SH3RF3: variants seen among roughly 807,000 people sequenced by gnomAD.
The protein encoded by SH3RF3 is E3 ubiquitin-protein ligase SH3RF3.
A neutral mutation model predicts 66.3 loss-of-function variants in SH3RF3; 29 were observed. The observed-to-expected ratio is 0.44, with a 90% CI of 0.33 to 0.60. SH3RF3 has a LOEUF of 0.60. Ranked by LOEUF, SH3RF3 falls within the 20% of genes least tolerant of loss-of-function variation. SH3RF3 has a pLI of 0.04. For synonymous variants in SH3RF3, 583 were observed against 532.0 expected, an observed-to-expected ratio of 1.10 and a Z score of -1.32; for missense variants, 1,194 against 1,190.9, an observed-to-expected ratio of 1.00 and a Z score of -0.04.
At chr2:109,151,406 T>G (rs1219210034) in intron 1 of SH3RF3, among the ~76,000 whole-genome samples, 1 of 152,158 alleles carries the variant, frequency 6.6e-6, no homozygotes, top group East Asian at 1.9e-4. Context: ...TGGTTCAAAT[T>G]CCTAATTTTA....
chr2:109,150,488 C>G (rs932442050), intron 1 of SH3RF3, among the ~76,000 whole-genome samples: 1 of 152,142 alleles, frequency 6.6e-6, no homozygotes, highest in Non-Finnish European at 1.5e-5. Context: ...TTTACAAAAA[C>G]GAGGAATTCA....
chr2:109,449,816 C>T (rs1490443185), intron 8 of SH3RF3, among the ~76,000 whole-genome samples: 1 of 152,210 alleles, frequency 6.6e-6, no homozygotes, highest in African/African-American at 2.4e-5. Context: ...TTTGTTAGAA[C>T]AGGATATTTA....
chr2:109,354,308 A>C (rs1432036520), intron 2 of SH3RF3, among the ~76,000 whole-genome samples: 1 of 152,164 alleles, frequency 6.6e-6, no homozygotes, highest in African/African-American at 2.4e-5. Context: ...CAGAGGCTGA[A>C]GGGGGCCCGG....
intron 1 of SH3RF3, among the ~76,000 whole-genome samples, chr2:109,319,942 C>T (rs573011350): frequency 6.6e-6 from 1 of 152,164 alleles, no homozygotes; most frequent in African/African-American, 2.4e-5. Flanking sequence ...GCAAGGTGAA[C>T]GAGCTGCTGT....
At chr2:109,343,624 A>C (rs13430554) in intron 1 of SH3RF3, among the ~76,000 whole-genome samples, 32,141 of 151,976 alleles carry the variant, frequency 0.21, 3,922 homozygotes, top group African/African-American at 0.35. Context: ...TGCTCTCAGT[A>C]CCAGACTCGA....
intron 4 of SH3RF3, among the ~76,000 whole-genome samples, chr2:109,415,748 G>A (rs1676707391): frequency 6.6e-6 from 1 of 152,066 alleles, no homozygotes; most frequent in Non-Finnish European, 1.5e-5. Context: ...ACTTCATCTG[G>A]CCTCCCACCT....
rs114434440 is a variant in SH3RF3 at position 109,407,609 on chromosome 2, C to T, written c.1299+8666C>T. Among the ~76,000 whole-genome samples, 733 of 152,334 alleles carry T rather than the reference C, an allele frequency of 4.8e-3. 4 individuals carry two copies. Among genetic ancestry groups the T allele is most frequent in the African/African-American group, 0.017 (702 of 41,580 alleles). On this transcript the variant is annotated intron_variant, in intron 4 of 9. Transcript: ENST00000309415. ...GCTGTGCAAACTCCGGCTCCAGCTC[C>T]AGCTCTCAACTGCAGAGTACAAGCT...
chr2:109,288,056 T>C (rs1681074754), intron 1 of SH3RF3, among the ~76,000 whole-genome samples: 1 of 152,248 alleles, frequency 6.6e-6, no homozygotes, highest in Non-Finnish European at 1.5e-5. Context: ...GCTGTCCCAT[T>C]GTCACATCAC....
At chr2:109,370,688 G>A (rs1489384942) in intron 2 of SH3RF3, among the ~76,000 whole-genome samples, 1 of 151,982 alleles carries the variant, frequency 6.6e-6, no homozygotes, top group African/African-American at 2.4e-5. Flanking sequence ...CTTGGTACCT[G>A]TGACAGTGTC....
At chr2:109,193,675 C>A (rs1414697242) in intron 1 of SH3RF3, among the ~76,000 whole-genome samples, 1 of 152,070 alleles carries the variant, frequency 6.6e-6, no homozygotes, top group Non-Finnish European at 1.5e-5. Context: ...TTGTTTCTAC[C>A]TCTACATTTA....
At chr2:109,500,458 GTC>G (rs1679360347) in intron 9 of SH3RF3, among the ~76,000 whole-genome samples, 1 of 152,158 alleles carries the variant, frequency 6.6e-6, no homozygotes, top group Non-Finnish European at 1.5e-5. Flanking sequence ...GAAGGCTCCT[GTC>G]TCTGATTCCA....
At chr2:109,227,930 T>C (rs1679409957) in intron 1 of SH3RF3, among the ~76,000 whole-genome samples, 1 of 152,228 alleles carries the variant, frequency 6.6e-6, no homozygotes, top group African/African-American at 2.4e-5. Flanking sequence ...TTCCTGATGT[T>C]TCCCAAACAA....
chr2:109,487,118 C>G (rs1679001561), intron 8 of SH3RF3, among the ~76,000 whole-genome samples: 1 of 152,200 alleles, frequency 6.6e-6, no homozygotes, highest in Admixed American at 6.5e-5. Context: ...CCACATCCCA[C>G]TGGGCTCCTG....
chr2:109,381,396 T>C (rs922130661), intron 3 of SH3RF3, among the ~76,000 whole-genome samples: 2 of 152,196 alleles, frequency 1.3e-5, no homozygotes, highest in Non-Finnish European at 2.9e-5. Flanking sequence ...CACCTAACTT[T>C]AGCTCCTCTC....
intron 1 of SH3RF3, among the ~76,000 whole-genome samples, chr2:109,173,836 C>T (rs1299927025): frequency 6.6e-6 from 1 of 152,212 alleles, no homozygotes; most frequent in Non-Finnish European, 1.5e-5. Flanking sequence ...CTGCCGTCGT[C>T]CTTGGAATTG....
In SH3RF3 at chr2:109,277,588, A is replaced by G. The variant is rs150490179; in HGVS notation, c.574-70086A>G. The stretch of plus-strand genomic sequence containing the variant: ...ACTTACGTGTACACTGTCGTTATCT[A>G]TCACCCTGCACTCCTCCGCGTGCGT... On this transcript the variant is annotated intron_variant, in intron 1 of 9. Transcript: ENST00000309415. Among the ~76,000 whole-genome samples, 1,156 of 152,238 alleles carry G rather than the reference A, an allele frequency of 7.6e-3. 10 individuals carry two copies. Among genetic ancestry groups the G allele is most frequent in the African/African-American group, 0.026 (1,088 of 41,536 alleles).
At chr2:109,203,156 ACTCATTGAGTGACATC>A (rs140328410) in intron 1 of SH3RF3, among the ~76,000 whole-genome samples, 7,351 of 152,162 alleles carry the variant, frequency 0.048, 563 homozygotes, top group African/African-American at 0.17. Context: ...AGCACTGTCC[ACTCATTGAGTGACATC>A]CTCATTGAGG....
chr2:109,230,024 C>T (rs1354618171), intron 1 of SH3RF3, among the ~76,000 whole-genome samples: 5 of 151,828 alleles, frequency 3.3e-5, no homozygotes, highest in Non-Finnish European at 7.4e-5. Flanking sequence ...CAGGGTTTCA[C>T]CATGTTAGCC....
At chr2:109,193,200 G>A (rs1307756605) in intron 1 of SH3RF3, among the ~76,000 whole-genome samples, 3 of 152,234 alleles carry the variant, frequency 2.0e-5, no homozygotes, top group Non-Finnish European at 2.9e-5. Context: ...CAAATTGTCT[G>A]CCCTTCCTGG....
Sources: gnomAD v4.1 joint callset for allele counts (sites outside exome capture counted in the v4.1 genomes callset) on GRCh38, gnomAD v4.1.1 for gene constraint, MANE v1.5 for transcripts, NCBI Gene and HGNC (gene_info 2026-07-23, HGNC 2026-07-21) for gene names.